The following SGCZ variants were observed in gnomAD, a reference collection of about 807,000 sequenced individuals.
SGCZ encodes sarcoglycan zeta.
In SGCZ, 40 loss-of-function variants were observed where a neutral mutation model predicts 41.3. That is an observed-to-expected ratio of 0.97 (90% CI 0.75 to 1.26). The LOEUF is 1.26. Among genes scored for constraint, SGCZ ranks in the 50% most tolerant of loss-of-function variants. The probability of loss-of-function intolerance (pLI) is 0.00; values close to 1 mark genes in which losing one functional copy is unlikely to be tolerated. For missense variants in SGCZ, 552 were observed against 369.8 expected (o/e 1.49, Z -4.04); for synonymous variants, 206 against 137.5 (o/e 1.50, Z -3.49).
intron 1 of SGCZ, among the ~76,000 whole-genome samples, chr8:14,998,138 T>C (rs950190673): frequency 2.3e-4 from 35 of 152,150 alleles, no homozygotes; most frequent in Admixed American, 1.9e-3. Flanking sequence ...ATAGTGTAGG[T>C]AGCACGAAAT....
At chr8:15,140,431 T>G (rs1405491394) in intron 1 of SGCZ, among the ~76,000 whole-genome samples, 1 of 152,192 alleles carries the variant, frequency 6.6e-6, no homozygotes, top group Non-Finnish European at 1.5e-5. Flanking sequence ...GTTAAATTTC[T>G]TTTCAGAGAG....
At position 14,090,244 on chromosome 8, in the gene SGCZ, C is replaced by G; in HGVS notation, c.*199G>C. 1 of 449,358 alleles carries G rather than the reference C, an allele frequency of 2.2e-6. No homozygotes were observed. The highest frequency in any genetic ancestry group is 3.8e-6 in the Non-Finnish European group (1 of 262,244). The allele number at this position is 449,358 out of a possible 1,614,324, so 27.8% of individuals were successfully genotyped here. ...CCTGCTGACGACGCTTTTTCCACTG[C>G]TGTGTCAATCACACCCTCTGTGTTG... On this transcript the variant is annotated 3_prime_UTR_variant, in exon 8 of 8. Transcript: ENST00000382080.
chr8:14,554,673 C>A, intron 2 of SGCZ, 59 bp downstream of exon 2: 1 of 1,363,178 alleles, frequency 7.3e-7, no homozygotes, highest in Non-Finnish European at 9.9e-7. Flanking sequence ...ATTAAAGTAA[C>A]AGAGCTAGAT....
intron 1 of SGCZ, among the ~76,000 whole-genome samples, chr8:14,952,059 T>G (rs551647011): frequency 1.3e-5 from 2 of 152,074 alleles, no homozygotes; most frequent in African/African-American, 4.8e-5. Context: ...AAGTAAAATA[T>G]TTTTTTCTCA....
At chr8:15,072,377 A>G (rs1462396354) in intron 1 of SGCZ, among the ~76,000 whole-genome samples, 1 of 152,200 alleles carries the variant, frequency 6.6e-6, no homozygotes, top group Non-Finnish European at 1.5e-5. Context: ...CAACATCAAC[A>G]AAAAACCCCA....
chr8:14,284,795 G>C (rs952086346), intron 3 of SGCZ, among the ~76,000 whole-genome samples: 4 of 151,878 alleles, frequency 2.6e-5, no homozygotes, highest in African/African-American at 7.3e-5. Context: ...AAATTGTTGT[G>C]TACATCTTTA....
At chr8:14,473,714 G>A (rs775915578) in intron 2 of SGCZ, among the ~76,000 whole-genome samples, 6 of 152,078 alleles carry the variant, frequency 3.9e-5, no homozygotes, top group East Asian at 1.9e-4. Flanking sequence ...GAGGTGGGTG[G>A]ATCACGAGGT....
intron 1 of SGCZ, among the ~76,000 whole-genome samples, chr8:15,174,964 G>T (rs967407856): frequency 6.6e-6 from 1 of 152,080 alleles, no homozygotes; most frequent in Non-Finnish European, 1.5e-5. Context: ...TAAAATCAGG[G>T]AAGGGAGAGC....
At chr8:14,624,010 C>T (rs531756132) in intron 1 of SGCZ, among the ~76,000 whole-genome samples, 1 of 152,262 alleles carries the variant, frequency 6.6e-6, no homozygotes, top group Admixed American at 6.5e-5. Flanking sequence ...GTATAAAGTC[C>T]TAACGTAGTT....
At chr8:14,164,509 A>C in intron 5 of SGCZ, 71 bp downstream of exon 5, 1 of 1,570,906 alleles carries the variant, frequency 6.4e-7, no homozygotes, top group Non-Finnish European at 8.7e-7. Context: ...CCATCTTATT[A>C]AGAAGCTCCT....
intron 1 of SGCZ, among the ~76,000 whole-genome samples, chr8:14,649,105 A>T (rs1305061185): frequency 6.6e-6 from 1 of 152,158 alleles, no homozygotes; most frequent in Non-Finnish European, 1.5e-5. Context: ...GTCTTCTCTA[A>T]GTCTTAAGGA....
At chr8:15,156,480 T>A (rs977274074) in intron 1 of SGCZ, among the ~76,000 whole-genome samples, 1 of 152,192 alleles carries the variant, frequency 6.6e-6, no homozygotes. Flanking sequence ...GGAAAGAACA[T>A]ACCTGAAAAG....
At chr8:14,099,686 A>G (rs1585132281) in intron 7 of SGCZ, among the ~76,000 whole-genome samples, 1 of 152,216 alleles carries the variant, frequency 6.6e-6, no homozygotes, top group Admixed American at 6.5e-5. Context: ...GGTCATGCCA[A>G]TGTACTCCAT....
chr8:14,915,120 A>G (rs1799393277), intron 1 of SGCZ, among the ~76,000 whole-genome samples: 1 of 152,216 alleles, frequency 6.6e-6, no homozygotes, highest in African/African-American at 2.4e-5. Context: ...GACAGTTCAG[A>G]GATTCAAAAA....
At chr8:14,941,915 A>G (rs1240965491) in intron 1 of SGCZ, among the ~76,000 whole-genome samples, 1 of 151,684 alleles carries the variant, frequency 6.6e-6, no homozygotes, top group African/African-American at 2.4e-5. Context: ...AGTTCGAAGG[A>G]AAAAGTTAAA....
intron 3 of SGCZ, among the ~76,000 whole-genome samples, chr8:14,292,769 A>G (rs1457409903): frequency 6.6e-6 from 1 of 152,020 alleles, no homozygotes; most frequent in Non-Finnish European, 1.5e-5. Flanking sequence ...TGGAAAAATA[A>G]TAACACCAAT....
chr8:14,500,165 A>G (rs1802108596), intron 2 of SGCZ, among the ~76,000 whole-genome samples: 1 of 152,138 alleles, frequency 6.6e-6, no homozygotes, highest in South Asian at 2.1e-4. Context: ...TGTTTCATAC[A>G]TACTTTGCCA....
intron 1 of SGCZ, among the ~76,000 whole-genome samples, chr8:15,109,474 GA>G (rs1373674959): frequency 1.3e-5 from 2 of 152,072 alleles, no homozygotes. Context: ...ACACAGAAAG[GA>G]TCACAGAATG....
At chr8:14,235,861 T>G (rs1239929974) in intron 4 of SGCZ, among the ~76,000 whole-genome samples, 1 of 152,094 alleles carries the variant, frequency 6.6e-6, no homozygotes, top group Non-Finnish European at 1.5e-5. Flanking sequence ...ATTTTTGTAT[T>G]TTTAGTAGAG....
Sources: allele counts gnomAD v4.1 joint callset (sites outside exome capture counted in the v4.1 genomes callset), GRCh38; gene constraint gnomAD v4.1.1; transcripts MANE v1.5; gene names NCBI Gene and HGNC (gene_info 2026-07-23, HGNC 2026-07-21).